The following WWOX variants were observed in gnomAD, a reference collection of about 807,000 sequenced individuals.
WWOX encodes WW domain containing oxidoreductase.
WWOX carries 69 observed loss-of-function variants against 46.2 expected under a neutral mutation model. The observed-to-expected ratio is 1.49, with a 90% CI of 1.23 to 1.82. The LOEUF is 1.82. Among genes scored for constraint, WWOX ranks in the 40% most tolerant of loss-of-function variants. WWOX has a pLI of 0.00. For synonymous variants in WWOX, 359 were observed against 202.6 expected (o/e 1.77, Z -6.56); for missense variants, 919 against 542.6 (o/e 1.69, Z -6.89).
At chr16:78,406,099 G>A (rs1218879917) in intron 6 of WWOX, among the ~76,000 whole-genome samples, 1 of 151,622 alleles carries the variant, frequency 6.6e-6, no homozygotes, top group African/African-American at 2.4e-5. Context: ...TTTAAAAGAT[G>A]CCCTTCGTAT....
intron 5 of WWOX, among the ~76,000 whole-genome samples, chr16:78,175,045 G>A (rs1411088037): frequency 7.1e-6 from 1 of 140,238 alleles, no homozygotes; most frequent in African/African-American, 2.5e-5. Context: ...TCTGACTAAG[G>A]TTATTAACCA....
intron 8 of WWOX, among the ~76,000 whole-genome samples, chr16:79,107,671 C>T (rs2049337885): frequency 6.6e-6 from 1 of 152,208 alleles, no homozygotes; most frequent in Admixed American, 6.5e-5. Flanking sequence ...TGCACATTTT[C>T]ATGTCACATT....
At chr16:79,141,892 G>A (rs931894416) in intron 8 of WWOX, among the ~76,000 whole-genome samples, 1 of 151,416 alleles carries the variant, frequency 6.6e-6, no homozygotes. Context: ...CTAACAGGGC[G>A]GGCCAGAAGG....
intron 6 of WWOX, among the ~76,000 whole-genome samples, chr16:78,420,298 C>A (rs2082892775): frequency 1.3e-5 from 2 of 152,122 alleles, no homozygotes; most frequent in African/African-American, 4.8e-5. Flanking sequence ...ACATGCATTT[C>A]CATAGCATCT....
chr16:78,286,023 T>C (rs577416366), intron 5 of WWOX, among the ~76,000 whole-genome samples: 1 of 151,958 alleles, frequency 6.6e-6, no homozygotes, highest in Admixed American at 6.6e-5. Flanking sequence ...TTTTTGGGGG[T>C]CCAAAAAGTA....
intron 5 of WWOX, among the ~76,000 whole-genome samples, chr16:78,216,846 C>G (rs781451020): frequency 1.8e-4 from 28 of 152,148 alleles, no homozygotes; most frequent in Non-Finnish European, 3.4e-4. Flanking sequence ...ATTCTCCTGC[C>G]TCAGCCTCCT....
At chr16:78,412,928 T>C (rs2082716003) in intron 6 of WWOX, among the ~76,000 whole-genome samples, 1 of 152,216 alleles carries the variant, frequency 6.6e-6, no homozygotes, top group Admixed American at 6.5e-5. Flanking sequence ...CCAGCCCTTG[T>C]CTTTTTTACC....
intron 8 of WWOX, among the ~76,000 whole-genome samples, chr16:78,909,689 C>A (rs369029433): frequency 5.3e-5 from 8 of 152,258 alleles, no homozygotes; most frequent in African/African-American, 1.9e-4. Flanking sequence ...ATATTTCTTA[C>A]CAGGAGTACA....
intron 5 of WWOX, among the ~76,000 whole-genome samples, chr16:78,351,609 C>G (rs540975183): frequency 2.0e-5 from 3 of 152,290 alleles, no homozygotes; most frequent in South Asian, 2.1e-4. Context: ...GATGCTGGCT[C>G]TATATTGCAC....
chr16:78,987,503 G>A (rs987416745), intron 8 of WWOX, among the ~76,000 whole-genome samples: 3 of 152,114 alleles, frequency 2.0e-5, no homozygotes, highest in Non-Finnish European at 1.5e-5. Context: ...ACTGGAAGGA[G>A]GGTTTCTCAT....
At chr16:78,229,273 A>T (rs561593377) in intron 5 of WWOX, among the ~76,000 whole-genome samples, 146 of 150,826 alleles carry the variant, frequency 9.7e-4, no homozygotes, top group African/African-American at 3.4e-3. Flanking sequence ...AAAAAACAGG[A>T]ATAAATAAAA....
chr16:79,143,112 G>C (rs2050120931), intron 8 of WWOX, among the ~76,000 whole-genome samples: 1 of 152,138 alleles, frequency 6.6e-6, no homozygotes, highest in Non-Finnish European at 1.5e-5. Flanking sequence ...TGAAAAAAAA[G>C]TTTAAGGGAC....
chr16:78,680,442 G>C (rs1405052353), intron 8 of WWOX, among the ~76,000 whole-genome samples: 3 of 152,126 alleles, frequency 2.0e-5, no homozygotes, highest in Non-Finnish European at 2.9e-5. Context: ...GCTGAGGTGG[G>C]AGGATCGCTT....
At chr16:78,459,262 G>C (rs2083896976) in intron 8 of WWOX, among the ~76,000 whole-genome samples, 1 of 152,214 alleles carries the variant, frequency 6.6e-6, no homozygotes. Context: ...CTGAAAGAGA[G>C]TGGTGTAATG....
At chr16:78,575,341 G>A (rs983429265) in intron 8 of WWOX, among the ~76,000 whole-genome samples, 2 of 150,642 alleles carry the variant, frequency 1.3e-5, no homozygotes, top group Non-Finnish European at 3.0e-5. Flanking sequence ...TATTTAGAAC[G>A]TATTTGTTTA....
chr16:78,644,223 AAATGAATG>A (rs541292076), intron 8 of WWOX, among the ~76,000 whole-genome samples: 8 of 151,968 alleles, frequency 5.3e-5, no homozygotes, highest in South Asian at 2.1e-4. Flanking sequence ...TCTGTCTCAA[AAATGAATG>A]AATGAATGAA....
intron 8 of WWOX, among the ~76,000 whole-genome samples, chr16:78,484,470 A>T (rs1447869339): frequency 6.6e-6 from 1 of 152,226 alleles, no homozygotes; most frequent in Admixed American, 6.5e-5. Flanking sequence ...TAAATAATGT[A>T]TTCATAAATT....
At chr16:78,195,823 A>G (rs1014015895) in intron 5 of WWOX, among the ~76,000 whole-genome samples, 64 of 132,804 alleles carry the variant, frequency 4.8e-4, no homozygotes, top group Non-Finnish European at 9.3e-4. Flanking sequence ...CTCTGCCTCA[A>G]AAAAAAAAAA....
rs112340810 is a variant in WWOX at position 78,544,438 on chromosome 16, T to C, written c.1056+111686T>C. ...ATCTTATTAAGTAGTCAGTTCCTCA[T>C]TTGCAGATGAGGAAACTGGCTGACT... On this transcript the variant is annotated intron_variant, in intron 8 of 8. Transcript: ENST00000566780. Among the ~76,000 whole-genome samples, 43 of 152,336 alleles carry C rather than the reference T, an allele frequency of 2.8e-4. 1 individual carries two copies. Among genetic ancestry groups the C allele is most frequent in the African/African-American group, 9.6e-4 (40 of 41,584 alleles).
Sources: gnomAD v4.1 joint callset for allele counts (sites outside exome capture counted in the v4.1 genomes callset) on GRCh38, gnomAD v4.1.1 for gene constraint, MANE v1.5 for transcripts, NCBI Gene and HGNC (gene_info 2026-07-23, HGNC 2026-07-21) for gene names.